The following EYS variants were observed in gnomAD, a reference collection of about 807,000 sequenced individuals.
The protein encoded by EYS is protein eyes shut homolog.
A neutral mutation model predicts 282.1 loss-of-function variants in EYS; 250 were observed. That is an observed-to-expected ratio of 0.89 (90% CI 0.80 to 0.98). The LOEUF is 0.98. Ranked by LOEUF, EYS falls within the 50% of genes least tolerant of loss-of-function variation. The pLI, the probability that EYS is intolerant of heterozygous loss-of-function variation, is 0.00. For synonymous variants in EYS, 1,355 were observed against 1,282.9 expected, an observed-to-expected ratio of 1.06 and a Z score of -1.20; for missense variants, 4,016 against 3,709.0, an observed-to-expected ratio of 1.08 and a Z score of -2.15.
At chr6:64,393,463 A>G (rs1161818446) in intron 28 of EYS, among the ~76,000 whole-genome samples, 2 of 152,220 alleles carry the variant, frequency 1.3e-5, no homozygotes, top group African/African-American at 4.8e-5. Flanking sequence ...CCTGGGATGC[A>G]AGGCTGGTTC....
intron 31 of EYS, among the ~76,000 whole-genome samples, chr6:64,085,333 T>TGCGC (rs753577559): frequency 9.2e-5 from 12 of 130,212 alleles, no homozygotes; most frequent in South Asian, 4.9e-4. Context: ...CGTGCGCACG[T>TGCGC]GCGCGCGCAC....
chr6:63,754,355 A>G (rs1769422072), intron 41 of EYS, among the ~76,000 whole-genome samples: 1 of 151,566 alleles, frequency 6.6e-6, no homozygotes, highest in African/African-American at 2.4e-5. Flanking sequence ...CCCCCACTCC[A>G]CAACAGGGCC....
intron 2 of EYS, among the ~76,000 whole-genome samples, chr6:65,571,345 G>A (rs1227409657): frequency 6.6e-6 from 1 of 151,996 alleles, no homozygotes; most frequent in African/African-American, 2.4e-5. Flanking sequence ...AAGAATAAAA[G>A]TTGATAGGCA....
At chr6:64,577,105 G>A (rs984857567) in intron 26 of EYS, among the ~76,000 whole-genome samples, 21 of 152,056 alleles carry the variant, frequency 1.4e-4, no homozygotes, top group Non-Finnish European at 2.4e-4. Context: ...GGGGCATGGA[G>A]GGATTCTCCC....
At chr6:64,295,389 GGAAGAAGAAGAGGAAGGAGAGGAAA>G (rs1768896011) in intron 30 of EYS, among the ~76,000 whole-genome samples, 1 of 1,114 alleles carries the variant, frequency 9.0e-4, no homozygotes, top group East Asian at 9.8e-3. Flanking sequence ...AGAAGAAGAA[GGAAGAAGAAGAGGAAGGAGAGGAAA>G]GAAGAAGAAG....
Position 64,728,973 on chromosome 6 carries a change from C to A in EYS, c.3443+84405G>T, listed in dbSNP as rs1200883848. 3 of 152,364 alleles carry A rather than the reference C, an allele frequency of 2.0e-5. No individual in the cohort carries two copies. The East Asian group carries it at 5.8e-4, about 29-fold the overall frequency. 9.4% of individuals were successfully genotyped at this position (152,364 alleles called of 1,614,324 possible). A position where few individuals can be genotyped will look rare whatever the true frequency, so the allele number is the denominator to read the frequency against. ...TCCTTGGCCAGACTCCTCTCTGAAGCCACGTTGTCAAGTTGTCTCTTTGAA... is the reference window on the plus strand; with the variant it reads ...TCCTTGGCCAGACTCCTCTCTGAAGACACGTTGTCAAGTTGTCTCTTTGAA... On this transcript the variant is annotated intron_variant, in intron 22 of 42. Coordinates refer to ENST00000503581, the MANE Select transcript of EYS (RefSeq NM_001142800.2).
chr6:64,120,006 A>C (rs192696128), intron 31 of EYS, among the ~76,000 whole-genome samples: 1 of 152,228 alleles, frequency 6.6e-6, no homozygotes, highest in Admixed American at 6.5e-5. Context: ...ATTTGGACCT[A>C]AACAAATTTA....
intron 2 of EYS, among the ~76,000 whole-genome samples, chr6:65,504,089 A>G (rs1480484323): frequency 6.6e-6 from 1 of 151,656 alleles, no homozygotes; most frequent in African/African-American, 2.4e-5. Flanking sequence ...TGAACATGAA[A>G]TCTCTTTCTA....
chr6:64,197,495 CTT>C (rs903527818), intron 31 of EYS, among the ~76,000 whole-genome samples: 1 of 152,152 alleles, frequency 6.6e-6, no homozygotes, highest in African/African-American at 2.4e-5. Context: ...CTGTTTATCT[CTT>C]TGAATTCTTA....
intron 35 of EYS, among the ~76,000 whole-genome samples, chr6:63,918,251 A>G (rs1326695787): frequency 6.6e-6 from 1 of 152,236 alleles, no homozygotes; most frequent in Non-Finnish European, 1.5e-5. Flanking sequence ...ATTAATTTAG[A>G]TAAGCAGCAT....
At chr6:63,826,063 T>C (rs1244900663) in intron 36 of EYS, among the ~76,000 whole-genome samples, 3 of 151,926 alleles carry the variant, frequency 2.0e-5, no homozygotes, top group African/African-American at 7.3e-5. Context: ...ATAGAAAAAA[T>C]TCAGGAAACT....
intron 22 of EYS, among the ~76,000 whole-genome samples, chr6:64,679,185 G>A (rs116831251): frequency 0.043 from 2,257 of 52,150 alleles, 51 homozygotes; most frequent in African/African-American, 0.1. Flanking sequence ...CTGGTTTATC[G>A]TTCTGATGGT....
At chr6:64,784,971 C>T (rs1188025575) in intron 22 of EYS, among the ~76,000 whole-genome samples, 2 of 152,212 alleles carry the variant, frequency 1.3e-5, no homozygotes, top group African/African-American at 2.4e-5. Context: ...CATTAAAATC[C>T]TGTCCTAAGC....
chr6:63,778,311 A>G (rs895195695), intron 39 of EYS, 131 bp from the exon 40 acceptor site: 4 of 972,598 alleles, frequency 4.1e-6, no homozygotes, highest in Non-Finnish European at 4.6e-6. Context: ...TAAAAGAAAT[A>G]TAAGAATACA....
At chr6:64,984,024 G>A (rs1034174353) in intron 14 of EYS, among the ~76,000 whole-genome samples, 15 of 151,422 alleles carry the variant, frequency 9.9e-5, no homozygotes, top group Non-Finnish European at 1.8e-4. Flanking sequence ...GTTTGTATTA[G>A]AATCCCGTCT....
At chr6:63,870,145 C>A (rs1002477042) in intron 35 of EYS, among the ~76,000 whole-genome samples, 1 of 152,088 alleles carries the variant, frequency 6.6e-6, no homozygotes, top group Non-Finnish European at 1.5e-5. Context: ...TATTTTGAAG[C>A]TATTTAAGGC....
chr6:64,168,751 G>A (rs1764380288), intron 31 of EYS, among the ~76,000 whole-genome samples: 1 of 152,158 alleles, frequency 6.6e-6, no homozygotes, highest in African/African-American at 2.4e-5. Context: ...GGATGACAAT[G>A]GGGAGTGAAT....
intron 2 of EYS, among the ~76,000 whole-genome samples, chr6:65,557,475 C>A (rs1464030802): frequency 6.6e-6 from 1 of 152,178 alleles, no homozygotes; most frequent in South Asian, 2.1e-4. Context: ...GCTGCAGGCA[C>A]CAGCATCCAG....
At chr6:65,222,728 C>T (rs182374266) in intron 12 of EYS, among the ~76,000 whole-genome samples, 27 of 152,296 alleles carry the variant, frequency 1.8e-4, no homozygotes, top group South Asian at 6.2e-4. Context: ...GTCACAGGAT[C>T]TTTGCTCAGG....
Sources: allele counts gnomAD v4.1 joint callset (sites outside exome capture counted in the v4.1 genomes callset), GRCh38; gene constraint gnomAD v4.1.1; transcripts MANE v1.5; gene names NCBI Gene and HGNC (gene_info 2026-07-23, HGNC 2026-07-21).